The following IL1RAPL2 variants were observed in gnomAD, a reference collection of about 807,000 sequenced individuals.
IL1RAPL2 encodes the protein X-linked interleukin-1 receptor accessory protein-like 2.
In IL1RAPL2, 3 loss-of-function variants were observed where a neutral mutation model predicts 44.1. The observed-to-expected ratio is 0.07, with a 90% CI of 0.03 to 0.18. The LOEUF is 0.18. Among genes scored for constraint, IL1RAPL2 ranks in the 10% least tolerant of loss-of-function variants. The pLI, the probability that IL1RAPL2 is intolerant of heterozygous loss-of-function variation, is 1.00. For missense variants in IL1RAPL2, 391 were observed against 496.4 expected (o/e 0.79, Z 2.02); for synonymous variants, 181 against 178.8 (o/e 1.01, Z -0.10).
chrX:104,634,670 T>G (rs918670275), intron 1 of IL1RAPL2, among the ~76,000 whole-genome samples: 4 of 111,533 alleles, frequency 3.6e-5, no homozygotes, highest in Non-Finnish European at 7.5e-5. Context: ...TTGCAACCCC[T>G]GCCTTTTTTT....
chrX:105,576,069 T>G (rs764137828), intron 6 of IL1RAPL2, among the ~76,000 whole-genome samples: 47 of 111,730 alleles, frequency 4.2e-4, no homozygotes, highest in Non-Finnish European at 5.8e-4. Flanking sequence ...ATATTAGACC[T>G]CTGTGAGATC....
intron 6 of IL1RAPL2, among the ~76,000 whole-genome samples, chrX:105,605,135 A>G (rs1787319483): frequency 9.0e-6 from 1 of 111,301 alleles, no homozygotes; most frequent in Non-Finnish European, 1.9e-5. Context: ...GGGCATCCAA[A>G]TAGGAAAGGA....
At chrX:104,845,672 G>C (rs1225863351) in intron 2 of IL1RAPL2, among the ~76,000 whole-genome samples, 1 of 111,484 alleles carries the variant, frequency 9.0e-6, no homozygotes, top group Non-Finnish European at 1.9e-5. Context: ...ATTGTTATTG[G>C]GGATTTATGC....
chrX:105,641,200 TTTTTA>T (rs974896270), intron 6 of IL1RAPL2, among the ~76,000 whole-genome samples: 2 of 58,552 alleles, frequency 3.4e-5, no homozygotes, highest in Non-Finnish European at 6.1e-5. Context: ...GCTTGAGGGC[TTTTTA>T]TTTTATTTTA....
intron 6 of IL1RAPL2, among the ~76,000 whole-genome samples, chrX:105,651,585 C>A (rs991299469): frequency 9.0e-6 from 1 of 111,546 alleles, no homozygotes; most frequent in African/African-American, 3.3e-5. Flanking sequence ...CTATGTCCCC[C>A]AAGGTGCTCA....
In IL1RAPL2 at chrX:104,787,989, G is replaced by T. The variant is rs996235710; in HGVS notation, c.82+128994G>T. Among the ~76,000 whole-genome samples the T allele has an allele frequency of 9.8e-4, 109 of 111,704 alleles. 1 individual carries two copies. Among genetic ancestry groups the T allele is most frequent in the Admixed American group, 5.2e-3 (54 of 10,485 alleles). On this transcript the variant is annotated intron_variant, in intron 2 of 10. Coordinates refer to ENST00000372582, the MANE Select transcript of IL1RAPL2 (RefSeq NM_017416.2). Reference sequence around the variant, plus strand: ...TGGAAAGGAGGCCTATAAGCCAGGTGTAATGGTCCTCAATGCATCTTGGAA... The same window carrying T: ...TGGAAAGGAGGCCTATAAGCCAGGTTTAATGGTCCTCAATGCATCTTGGAA...
intron 6 of IL1RAPL2, among the ~76,000 whole-genome samples, chrX:105,585,195 T>C (rs984429670): frequency 1.8e-5 from 2 of 110,607 alleles, no homozygotes; most frequent in African/African-American, 6.6e-5. Flanking sequence ...ATTCTATAAT[T>C]TGGATTTTAA....
chrX:105,545,878 G>A (rs2036792603), intron 6 of IL1RAPL2, among the ~76,000 whole-genome samples: 1 of 111,795 alleles, frequency 8.9e-6, no homozygotes, highest in African/African-American at 3.3e-5. Flanking sequence ...CATGTGTGCA[G>A]CCTCAGGGTT....
At chrX:105,529,296 G>T (rs1299840869) in intron 6 of IL1RAPL2, among the ~76,000 whole-genome samples, 1 of 110,959 alleles carries the variant, frequency 9.0e-6, no homozygotes, top group Non-Finnish European at 1.9e-5. Context: ...CACTATAAAA[G>T]CATTTTTTTA....
chrX:104,950,934 T>C (rs914820944), intron 2 of IL1RAPL2, among the ~76,000 whole-genome samples: 2 of 111,496 alleles, frequency 1.8e-5, no homozygotes, highest in African/African-American at 6.5e-5. Flanking sequence ...GGGAGTGACC[T>C]GATTTTCCAG....
intron 6 of IL1RAPL2, among the ~76,000 whole-genome samples, chrX:105,665,955 G>C (rs1487203852): frequency 9.2e-6 from 1 of 108,168 alleles, no homozygotes; most frequent in Non-Finnish European, 1.9e-5. Flanking sequence ...GTAGAGACGG[G>C]GTTTCACCGT....
intron 6 of IL1RAPL2, among the ~76,000 whole-genome samples, chrX:105,602,602 G>T (rs2037261517): frequency 9.1e-6 from 1 of 110,226 alleles, no homozygotes. Context: ...TTCCCAAATA[G>T]ATTCAACCAA....
At chrX:104,691,510 T>C (rs1331445075) in intron 2 of IL1RAPL2, among the ~76,000 whole-genome samples, 1 of 112,408 alleles carries the variant, frequency 8.9e-6, no homozygotes, top group African/African-American at 3.2e-5. Flanking sequence ...GACAAATGAA[T>C]ACCACCTCTG....
intron 2 of IL1RAPL2, among the ~76,000 whole-genome samples, chrX:104,663,931 G>A (rs953417805): frequency 2.7e-5 from 3 of 109,741 alleles, no homozygotes; most frequent in Non-Finnish European, 5.7e-5. Flanking sequence ...GTTACTGTAT[G>A]TGCAATATTC....
At chrX:105,164,690 T>C (rs1295745607) in intron 2 of IL1RAPL2, among the ~76,000 whole-genome samples, 2 of 111,962 alleles carry the variant, frequency 1.8e-5, no homozygotes, top group Non-Finnish European at 3.8e-5. Flanking sequence ...AGCATAGTGC[T>C]TAAAACCTCA....
chrX:105,486,734 A>ATATCTATCTATCTATCTATCTATCTATC (rs34493388), intron 6 of IL1RAPL2, among the ~76,000 whole-genome samples: 2 of 103,868 alleles, frequency 1.9e-5, no homozygotes, highest in African/African-American at 7.4e-5. Context: ...CTATATATCT[A>ATATCTATCTATCTATCTATCTATCTATC]TATCTATCTA....
chrX:105,427,795 G>A (rs1175787167), intron 5 of IL1RAPL2, among the ~76,000 whole-genome samples: 1 of 111,863 alleles, frequency 8.9e-6, no homozygotes, highest in Non-Finnish European at 1.9e-5. Context: ...ACTACTAACT[G>A]CTGGCCTCTA....
chrX:105,186,494 A>G (rs782392080), intron 2 of IL1RAPL2, among the ~76,000 whole-genome samples: 1 of 111,346 alleles, frequency 9.0e-6, no homozygotes, highest in Non-Finnish European at 1.9e-5. Context: ...ACAAGGTTGG[A>G]TAAGGTGAGA....
intron 6 of IL1RAPL2, among the ~76,000 whole-genome samples, chrX:105,605,001 G>C (rs966029913): frequency 9.1e-6 from 1 of 110,026 alleles, no homozygotes; most frequent in African/African-American, 3.3e-5. Flanking sequence ...ATACAATAAA[G>C]GCCATATATG....
Sources: gnomAD v4.1 joint callset for allele counts (sites outside exome capture counted in the v4.1 genomes callset) on GRCh38, gnomAD v4.1.1 for gene constraint, MANE v1.5 for transcripts, NCBI Gene and HGNC (gene_info 2026-07-23, HGNC 2026-07-21) for gene names.